Variants in HACD4 observed in about 807,000 individuals in gnomAD.
The protein encoded by HACD4 is very-long-chain (3R)-3-hydroxyacyl-CoA dehydratase 4.
HACD4 carries 35 observed loss-of-function variants against 33.3 expected under a neutral mutation model. The ratio of observed to expected loss-of-function variants is 1.05; its 90% CI spans 0.80 to 1.39. The LOEUF (loss-of-function observed/expected upper bound fraction) is 1.39, where lower values mean the gene tolerates loss of function less well. HACD4 is among the 40% of genes most tolerant of loss of function. The pLI, the probability that HACD4 is intolerant of heterozygous loss-of-function variation, is 0.00. For missense variants in HACD4, 323 were observed against 276.5 expected, an observed-to-expected ratio of 1.17 and a Z score of -1.19; for synonymous variants, 118 against 98.0, an observed-to-expected ratio of 1.20 and a Z score of -1.21.
At chr9:21,016,895 CTT>C (rs1193083002) in intron 3 of HACD4, among the ~76,000 whole-genome samples, 7 of 151,648 alleles carry the variant, frequency 4.6e-5, no homozygotes, top group Non-Finnish European at 1.0e-4. Context: ...ATCATTGAGA[CTT>C]CACACATTTT....
chr9:21,023,854 C>T (rs1041882594), intron 3 of HACD4, among the ~76,000 whole-genome samples: 6 of 152,318 alleles, frequency 3.9e-5, no homozygotes, highest in South Asian at 2.1e-4. Flanking sequence ...GGATTACAGG[C>T]GTGAGCCACT....
chr9:21,004,916 G>GGATT lies in HACD4; in HGVS notation c.*2117_*2120dup, dbSNP rs1264335669. On this transcript the variant is annotated 3_prime_UTR_variant, in exon 7 of 7. Transcript: ENST00000495827. The surrounding 1 kb of genome is among the most constrained non-coding windows in gnomAD (Gnocchi z 4.6). ...AGAAAAAGCCAGTATTGCCATGAAG[G>GGATT]GATTGATAGAGGTGATTTTGGTGAG... The GGATT allele has an allele frequency of 6.6e-6, 1 of 152,144 alleles. No homozygotes were observed. The highest frequency in any genetic ancestry group is 2.4e-5 in the African/African-American group (1 of 41,424). 9.4% of individuals were successfully genotyped at this position (152,144 alleles called of 1,614,324 possible).
intron 3 of HACD4, among the ~76,000 whole-genome samples, chr9:21,026,299 T>A (rs931376982): frequency 3.9e-5 from 6 of 152,212 alleles, no homozygotes; most frequent in Non-Finnish European, 8.8e-5. Context: ...TATCATTGTC[T>A]TCTACTAACC....
chr9:21,031,407 A>G, intron 1 of HACD4, 146 bp downstream of exon 1: 1 of 1,281,930 alleles, frequency 7.8e-7, no homozygotes, highest in Non-Finnish European at 9.9e-7. Flanking sequence ...TACCTGCATG[A>G]GCTCCAAGGG....
chr9:21,006,618 C>A lies in HACD4; in HGVS notation c.*419G>T. On this transcript the variant is annotated 3_prime_UTR_variant, in exon 7 of 7. Coordinates refer to ENST00000495827, the MANE Select transcript of HACD4 (RefSeq NM_001010915.5). This position sits in a 1 kb window ranked among gnomAD's most constrained non-coding sequence, Gnocchi z 4.6. ...CTAGGCAACTGTGGAATATATTTTC[C>A]ATCCCTCTTCTCCTACAGATCTATT... 9.1e-6 allele frequency: 2 copies of A among 219,586 alleles called. No homozygotes were observed. The highest frequency in any genetic ancestry group is 6.4e-5 in the South Asian group (1 of 15,592). 13.6% of individuals were successfully genotyped at this position (219,586 alleles called of 1,614,324 possible).
chr9:21,018,344 T>C (rs1705085000), intron 3 of HACD4, among the ~76,000 whole-genome samples: 1 of 152,182 alleles, frequency 6.6e-6, no homozygotes, highest in African/African-American at 2.4e-5. Flanking sequence ...GTGACTTACC[T>C]ACAAGTCTGG....
intron 3 of HACD4, among the ~76,000 whole-genome samples, chr9:21,025,374 C>T (rs748641408): frequency 6.7e-6 from 1 of 149,594 alleles, no homozygotes; most frequent in African/African-American, 2.5e-5. Flanking sequence ...ATCTATACCA[C>T]TCTTTCATTT....
intron 3 of HACD4, among the ~76,000 whole-genome samples, chr9:21,021,144 T>C (rs1052905874): frequency 3.3e-5 from 5 of 152,166 alleles, no homozygotes; most frequent in Admixed American, 6.5e-5. Flanking sequence ...ATTATCTCAA[T>C]AGATGCAGAA....
At chr9:21,030,123 A>G (rs2132808280) in intron 1 of HACD4, among the ~76,000 whole-genome samples, 1 of 152,138 alleles carries the variant, frequency 6.6e-6, no homozygotes, top group East Asian at 1.9e-4. Flanking sequence ...AACCACTGCG[A>G]AGGTGGCTTT....
intron 3 of HACD4, among the ~76,000 whole-genome samples, chr9:21,022,993 A>T (rs577169176): frequency 1.3e-5 from 2 of 152,326 alleles, no homozygotes; most frequent in African/African-American, 4.8e-5. Flanking sequence ...GATAGACTGG[A>T]TTAAGAAAAT....
At chr9:21,022,060 C>G (rs188980399) in intron 3 of HACD4, among the ~76,000 whole-genome samples, 1 of 152,134 alleles carries the variant, frequency 6.6e-6, no homozygotes, top group African/African-American at 2.4e-5. Flanking sequence ...GAAGAGAGCC[C>G]TCAGAAGTAA....
chr9:21,018,934 T>G (rs369634552), intron 3 of HACD4, among the ~76,000 whole-genome samples: 2 of 152,208 alleles, frequency 1.3e-5, no homozygotes, highest in East Asian at 3.9e-4. Context: ...AAAATGATAC[T>G]TCAACTACAG....
intron 3 of HACD4, among the ~76,000 whole-genome samples, chr9:21,023,524 T>C (rs1336378233): frequency 2.0e-5 from 3 of 152,136 alleles, no homozygotes; most frequent in Non-Finnish European, 4.4e-5. Context: ...TCTCTTGATA[T>C]TGTGGAGGAC....
intron 3 of HACD4, among the ~76,000 whole-genome samples, chr9:21,026,318 G>A (rs1012345604): frequency 1.4e-4 from 21 of 152,170 alleles, no homozygotes; most frequent in African/African-American, 4.6e-4. Flanking sequence ...CCCAGGCAGT[G>A]ACACAGTGAG....
rs1200228779 is a variant in HACD4, at chr9:21,003,298, G to C, written c.*3739C>G. The C allele has an allele frequency of 6.6e-6, 1 of 151,978 alleles. No homozygotes were observed. The highest frequency in any genetic ancestry group is 2.4e-5 in the African/African-American group (1 of 41,428). 9.4% of individuals were successfully genotyped at this position (151,978 alleles called of 1,614,324 possible). A position where few individuals can be genotyped will look rare whatever the true frequency, so the allele number is the denominator to read the frequency against. On this transcript the variant is annotated 3_prime_UTR_variant, in exon 7 of 7. Coordinates refer to ENST00000495827, the MANE Select transcript of HACD4 (RefSeq NM_001010915.5). The stretch of plus-strand genomic sequence containing the variant: ...TAATGAAATTTTAATTTATTATAAT[G>C]ACCCAGTAAAGTGTAGTTTCTCTAA...
rs1191487959 is a variant in HACD4 at position 21,026,585 on chromosome 9, T to C, written c.270+11A>G. On this transcript the variant is annotated intron_variant, in intron 3 of 6. Transcript: ENST00000495827. ...AAACAGATTCTATAATAATATGTGA[T>C]TCAAACCTACCTGCAAAAACCTTGG... 6.2e-7 allele frequency: 1 copy of C among 1,604,976 alleles called. No individual in the cohort carries two copies. The highest frequency in any genetic ancestry group is 8.5e-7 in the Non-Finnish European group (1 of 1,174,522).
chr9:21,015,990 G>A lies in HACD4; in HGVS notation c.291C>T (p.Ile97=), dbSNP rs372864326. Residue 97 remains isoleucine (I), a synonymous_variant, in exon 4 of 7, where the codon ATC becomes ATT. Coordinates refer to ENST00000495827, the MANE Select transcript of HACD4 (RefSeq NM_001010915.5). The part of the protein sequence containing the change: ...RFLQLTERII[I]LFVVITSQEE... ...CTTGACTGGTGATCACCACAAAAAG[G>A]ATGATTATTCTTTCTGTGAGCTAAC... The A allele has an allele frequency of 6.2e-7, 1 of 1,610,768 alleles. No homozygotes were observed. Among genetic ancestry groups the A allele is most frequent in the Non-Finnish European group, 8.5e-7 (1 of 1,177,390 alleles).
intron 5 of HACD4, among the ~76,000 whole-genome samples, chr9:21,011,281 T>C (rs1842423754): frequency 6.6e-6 from 1 of 152,214 alleles, no homozygotes; most frequent in South Asian, 2.1e-4. Context: ...AATCTCTAAA[T>C]GTTAACTTCT....
intron 3 of HACD4, among the ~76,000 whole-genome samples, chr9:21,023,853 G>A (rs1255488554): frequency 6.6e-6 from 1 of 152,178 alleles, no homozygotes; most frequent in Non-Finnish European, 1.5e-5. Flanking sequence ...GGGATTACAG[G>A]CGTGAGCCAC....
Sources: allele counts gnomAD v4.1 joint callset (sites outside exome capture counted in the v4.1 genomes callset), GRCh38; gene constraint gnomAD v4.1.1; non-coding constraint Gnocchi (gnomAD v3.1); transcripts MANE v1.5; gene names NCBI Gene and HGNC (gene_info 2026-07-23, HGNC 2026-07-21).